The following TCF20 variants were observed in gnomAD, a reference collection of about 807,000 sequenced individuals.
TCF20 encodes the protein SPRE-binding protein.
A neutral mutation model predicts 148.6 loss-of-function variants in TCF20; 3 were observed. The ratio of observed to expected loss-of-function variants is 0.02; its 90% CI spans 0.01 to 0.05. The LOEUF (loss-of-function observed/expected upper bound fraction) is 0.05, where lower values mean the gene tolerates loss of function less well. Among genes scored for constraint, TCF20 ranks in the 10% least tolerant of loss-of-function variants. The pLI is 1.00. For missense variants in TCF20, 2,350 were observed against 2,429.3 expected (o/e 0.97, Z 0.69); for synonymous variants, 1,049 against 909.5 (o/e 1.15, Z -2.76).
At chr22:42,238,721 C>T (rs1316497872) in intron 1 of TCF20, among the ~76,000 whole-genome samples, 1 of 152,220 alleles carries the variant, frequency 6.6e-6, no homozygotes, top group African/African-American at 2.4e-5. Flanking sequence ...GATGGGGGGA[C>T]ACCCAGTTGG....
chr22:42,161,972 CTTTTTTTTTTT>C (rs3045573), intron 5 of TCF20, among the ~76,000 whole-genome samples: 14 of 75,028 alleles, frequency 1.9e-4, no homozygotes, highest in East Asian at 3.1e-4. Context: ...TAATGACAGT[CTTTTTTTTTTT>C]TTTTTTTTTT....
At chr22:42,252,165 T>TA (rs1235893561) in intron 1 of TCF20, among the ~76,000 whole-genome samples, 3 of 151,150 alleles carry the variant, frequency 2.0e-5, no homozygotes, top group Non-Finnish European at 4.4e-5. Flanking sequence ...CACGCACCTA[T>TA]AATCCCAGCT....
intron 1 of TCF20, among the ~76,000 whole-genome samples, chr22:42,323,636 G>T (rs1188952436): frequency 6.6e-6 from 1 of 151,824 alleles, no homozygotes; most frequent in Non-Finnish European, 1.5e-5. Flanking sequence ...GGGAGGAGAA[G>T]CGGGAAGCAG....
intron 1 of TCF20, among the ~76,000 whole-genome samples, chr22:42,312,263 CCCAGTAGTCAGCGGGCCACCTGCCTGGTA>C (rs1927549691): frequency 6.6e-6 from 1 of 152,168 alleles, no homozygotes; most frequent in Admixed American, 6.5e-5. Flanking sequence ...TGACTGGTCC[CCCAGTAGTCAGCGGGCCACCTGCCTGGTA>C]CCAGGACAGC....
At chr22:42,331,172 G>C (rs1341068898) in intron 1 of TCF20, among the ~76,000 whole-genome samples, 1 of 152,178 alleles carries the variant, frequency 6.6e-6, no homozygotes, top group Non-Finnish European at 1.5e-5. Flanking sequence ...TCCCGGCAGC[G>C]CCGCGGAGCG....
At chr22:42,294,825 T>C (rs1013377325) in intron 1 of TCF20, among the ~76,000 whole-genome samples, 4 of 151,922 alleles carry the variant, frequency 2.6e-5, no homozygotes, top group African/African-American at 9.7e-5. Context: ...GCAGGCGGAG[T>C]GCCTGGCAGC....
chr22:42,336,542 C>T (rs1371559317), intron 1 of TCF20, among the ~76,000 whole-genome samples: 2 of 152,114 alleles, frequency 1.3e-5, no homozygotes, highest in Admixed American at 6.5e-5. Flanking sequence ...CTCCTTCACC[C>T]GTCTCTGCCT....
At chr22:42,251,492 CTTT>C (rs71184878) in intron 1 of TCF20, among the ~76,000 whole-genome samples, 18 of 47,026 alleles carry the variant, frequency 3.8e-4, no homozygotes, top group Middle Eastern at 0.017. Flanking sequence ...AAACAAGTGT[CTTT>C]TTTTTTTTTT....
chr22:42,210,955 C>A lies in TCF20; in HGVS notation c.4351G>T (p.Ala1451Ser). 6.2e-7 allele frequency: 1 copy of A among 1,614,174 alleles called. No homozygotes were observed. The highest frequency in any genetic ancestry group is 8.5e-7 in the Non-Finnish European group (1 of 1,180,040). ...VDDKVKTETH[A>S]ETVTAGKEPP... ...TCCTTTCCGGCAGTAACTGTTTCTG[C>A]ATGTGTCTCTGTCTTCACTTTGTCA... The change falls in exon 2 of 6, where the codon GCA becomes TCA. Residue 1451 changes from alanine (A) to serine (S), a missense_variant. Ala to Ser is a moderately conservative substitution (Grantham distance 99, BLOSUM62 1). This residue lies in a region of TCF20 where 231 missense variants were observed against 213.7 expected (regional missense o/e 1.08). Transcript: ENST00000677622. This position sits in a 1 kb window ranked among gnomAD's most constrained non-coding sequence, Gnocchi z 4.7.
intron 1 of TCF20, among the ~76,000 whole-genome samples, chr22:42,308,594 T>C (rs137989005): frequency 0.013 from 1,975 of 152,176 alleles, 29 homozygotes; most frequent in South Asian, 0.022. Flanking sequence ...CCCAGGGTCT[T>C]AGAAGTGTAC....
chr22:42,267,997 T>G (rs1186940183), intron 1 of TCF20, among the ~76,000 whole-genome samples: 3 of 152,008 alleles, frequency 2.0e-5, no homozygotes, highest in Non-Finnish European at 2.9e-5. Context: ...AATACAAAAA[T>G]TAGCCGGGTG....
intron 1 of TCF20, among the ~76,000 whole-genome samples, chr22:42,332,806 G>A (rs534407280): frequency 6.6e-6 from 1 of 152,328 alleles, no homozygotes; most frequent in East Asian, 1.9e-4. Context: ...GGGCAAACAC[G>A]ATGCTACAGG....
chr22:42,232,407 A>C (rs1923499728), intron 1 of TCF20, among the ~76,000 whole-genome samples: 1 of 152,184 alleles, frequency 6.6e-6, no homozygotes, highest in African/African-American at 2.4e-5. Flanking sequence ...CAAAACAAAA[A>C]AAAAACAACG....
intron 2 of TCF20, among the ~76,000 whole-genome samples, chr22:42,188,789 G>C (rs1261031391): frequency 6.6e-6 from 1 of 152,152 alleles, no homozygotes; most frequent in Non-Finnish European, 1.5e-5. Context: ...TTTATTGCAT[G>C]CCTGTGTGCA....
chr22:42,322,668 G>A (rs1204775848), intron 1 of TCF20, among the ~76,000 whole-genome samples: 2 of 151,830 alleles, frequency 1.3e-5, no homozygotes, highest in Non-Finnish European at 2.9e-5. Context: ...GCAAGCGCCT[G>A]AGTGAGTGAG....
At chr22:42,245,299 G>GTC (rs1431081565) in intron 1 of TCF20, among the ~76,000 whole-genome samples, 2 of 151,002 alleles carry the variant, frequency 1.3e-5, no homozygotes, top group African/African-American at 4.9e-5. Context: ...GCCCAGGCTG[G>GTC]TCTCCAACAC....
chr22:42,300,676 G>A (rs1927321367), intron 1 of TCF20, among the ~76,000 whole-genome samples: 1 of 152,198 alleles, frequency 6.6e-6, no homozygotes, highest in African/African-American at 2.4e-5. Flanking sequence ...AGTATAGGGA[G>A]GTTAGTGGCA....
intron 2 of TCF20, among the ~76,000 whole-genome samples, chr22:42,202,134 C>T (rs558395461): frequency 1.2e-4 from 19 of 152,212 alleles, no homozygotes; most frequent in African/African-American, 3.6e-4. Context: ...TTCTGAACAC[C>T]CCTGGCAAGA....
intron 1 of TCF20, among the ~76,000 whole-genome samples, chr22:42,235,792 C>A (rs190291003): frequency 3.5e-4 from 54 of 152,288 alleles, no homozygotes; most frequent in African/African-American, 1.2e-3. Context: ...ACGGGAATGT[C>A]CCACAGTAAG....
Sources: allele counts gnomAD v4.1 joint callset (sites outside exome capture counted in the v4.1 genomes callset), GRCh38; gene constraint gnomAD v4.1.1; regional missense constraint gnomAD v4.1.1; non-coding constraint Gnocchi (gnomAD v3.1); transcripts MANE v1.5; gene names NCBI Gene and HGNC (gene_info 2026-07-23, HGNC 2026-07-21).